B3GALT1: variants seen among roughly 807,000 people sequenced by gnomAD.
B3GALT1 encodes UDP-Gal:betaGlcNAc beta 1,3-galactosyltransferase, polypeptide 1.
Under a neutral mutation model 23.2 loss-of-function variants are expected in B3GALT1, and 10 were observed. The observed-to-expected ratio is 0.43, with a 90% CI of 0.27 to 0.73. B3GALT1 has a LOEUF of 0.73. Ranked by LOEUF, B3GALT1 falls within the 30% of genes least tolerant of loss-of-function variation. The probability of loss-of-function intolerance (pLI) is 0.21; values close to 1 mark genes in which losing one functional copy is unlikely to be tolerated. For synonymous variants in B3GALT1, 156 were observed against 141.5 expected (o/e 1.10, Z -0.73); for missense variants, 299 against 405.4 (o/e 0.74, Z 2.25).
At chr2:167,757,274 C>G (rs1182390827) in intron 3 of B3GALT1, among the ~76,000 whole-genome samples, 1 of 152,146 alleles carries the variant, frequency 6.6e-6, no homozygotes, top group African/African-American at 2.4e-5. Flanking sequence ...CCAGCCCACC[C>G]ATCCAGACAT....
At chr2:167,809,010 T>C (rs778940272) in intron 3 of B3GALT1, among the ~76,000 whole-genome samples, 1 of 152,160 alleles carries the variant, frequency 6.6e-6, no homozygotes. Context: ...TCTAAACTTC[T>C]CTTCTTGCTT....
intron 2 of B3GALT1, among the ~76,000 whole-genome samples, chr2:167,632,295 T>A (rs901018943): frequency 6.6e-6 from 1 of 152,144 alleles, no homozygotes; most frequent in Non-Finnish European, 1.5e-5. Flanking sequence ...TTTATAATCC[T>A]TCAGGTATAT....
At chr2:167,817,268 G>C (rs1433535155) in intron 3 of B3GALT1, among the ~76,000 whole-genome samples, 3 of 152,140 alleles carry the variant, frequency 2.0e-5, no homozygotes, top group Non-Finnish European at 4.4e-5. Context: ...AAAACTAAGA[G>C]GATTGTGGAG....
intron 3 of B3GALT1, among the ~76,000 whole-genome samples, chr2:167,667,445 C>G (rs1194297426): frequency 6.6e-6 from 1 of 151,984 alleles, no homozygotes; most frequent in Non-Finnish European, 1.5e-5. Flanking sequence ...TTGCTCTTCT[C>G]GAGGAGTATC....
chr2:167,579,432 C>T (rs4667537), intron 2 of B3GALT1, among the ~76,000 whole-genome samples: 232 of 108,918 alleles, frequency 2.1e-3, no homozygotes, highest in East Asian at 7.7e-3. Flanking sequence ...TTTTTTTTGT[C>T]TTTTTTTTTT....
chr2:167,790,464 A>G (rs963917883), intron 3 of B3GALT1, among the ~76,000 whole-genome samples: 1 of 152,310 alleles, frequency 6.6e-6, no homozygotes, highest in Middle Eastern at 3.4e-3. Context: ...ACTCTAACAG[A>G]TAACTATTTG....
chr2:167,613,344 G>T (rs1685103479), intron 2 of B3GALT1, among the ~76,000 whole-genome samples: 1 of 151,676 alleles, frequency 6.6e-6, no homozygotes, highest in Non-Finnish European at 1.5e-5. Context: ...TATATTGGAG[G>T]CTAGGACATG....
intron 2 of B3GALT1, among the ~76,000 whole-genome samples, chr2:167,554,518 C>T (rs965348851): frequency 1.3e-5 from 2 of 152,142 alleles, no homozygotes; most frequent in Admixed American, 1.3e-4. Context: ...AGATAATCTG[C>T]CTGTTACCTT....
intron 1 of B3GALT1, among the ~76,000 whole-genome samples, chr2:167,472,673 C>G (rs1559107710): frequency 6.6e-6 from 1 of 152,070 alleles, no homozygotes; most frequent in African/African-American, 2.4e-5. Context: ...TCTGAATGTT[C>G]CGTGCTCTTC....
chr2:167,782,046 G>A (rs182027588), intron 3 of B3GALT1, among the ~76,000 whole-genome samples: 10 of 152,258 alleles, frequency 6.6e-5, no homozygotes, highest in Admixed American at 5.9e-4. Context: ...CCTGCCAGCT[G>A]CCTCTTATTT....
At chr2:167,385,580 CA>C (rs1697915598) in intron 1 of B3GALT1, among the ~76,000 whole-genome samples, 1 of 83,086 alleles carries the variant, frequency 1.2e-5, no homozygotes, top group African/African-American at 2.9e-5. Flanking sequence ...ATGGTAGGAA[CA>C]AAGACTAGCT....
chr2:167,637,765 T>G (rs1393098285), intron 2 of B3GALT1, among the ~76,000 whole-genome samples: 3 of 151,960 alleles, frequency 2.0e-5, no homozygotes, highest in Non-Finnish European at 4.4e-5. Flanking sequence ...TTTGTCTTTT[T>G]GGGCCTGGCT....
intron 1 of B3GALT1, among the ~76,000 whole-genome samples, chr2:167,422,620 A>C (rs866104457): frequency 6.6e-6 from 1 of 152,048 alleles, no homozygotes; most frequent in African/African-American, 2.4e-5. Flanking sequence ...ACTTGAGTCT[A>C]CTGGAGATTG....
At position 167,430,987 on chromosome 2, in the gene B3GALT1, A is replaced by G. The variant is rs542687049; in HGVS notation, c.-510-59190A>G. Among the ~76,000 whole-genome samples the G allele has an allele frequency of 1.8e-4, 28 of 152,334 alleles. No homozygotes were observed. In the South Asian group the frequency reaches 5.2e-3, roughly 28 times the overall value. Reference sequence around the variant, plus strand: ...GCTTATCCTTCAGGCAGTTTCCCATATTATTTCTTATAACTGCAATTTTTA... The same window carrying G: ...GCTTATCCTTCAGGCAGTTTCCCATGTTATTTCTTATAACTGCAATTTTTA... On this transcript the variant is annotated intron_variant, in intron 1 of 4. Transcript: ENST00000392690.
At chr2:167,323,066 AAAAT>A (rs1304505382) in intron 1 of B3GALT1, among the ~76,000 whole-genome samples, 1 of 150,376 alleles carries the variant, frequency 6.6e-6, no homozygotes, top group Non-Finnish European at 1.5e-5. Flanking sequence ...GCCTTTTTAA[AAAAT>A]AAAGGCAAAG....
intron 3 of B3GALT1, among the ~76,000 whole-genome samples, chr2:167,664,638 C>T (rs192463328): frequency 0.011 from 1,713 of 152,110 alleles, 33 homozygotes; most frequent in African/African-American, 0.034. Context: ...TTTATTTCCT[C>T]GAGCAGTGGT....
intron 2 of B3GALT1, among the ~76,000 whole-genome samples, chr2:167,512,901 C>G (rs1700047291): frequency 6.7e-6 from 1 of 148,412 alleles, no homozygotes. Flanking sequence ...GCCTCAGCCT[C>G]CCAAAGTGCT....
Position 167,678,321 on chromosome 2 carries a change from T to C in B3GALT1, c.-352+31355T>C, listed in dbSNP as rs538639234. Among the ~76,000 whole-genome samples the C allele has an allele frequency of 7.9e-5, 12 of 152,144 alleles. No homozygotes were observed. In the South Asian group the frequency reaches 2.5e-3, roughly 32 times the overall value. ...ACAATTCTTCCTCATAATAATCCTATGAGATAAGTACTGATAGTGTCCCCA... is the reference window on the plus strand; with the variant it reads ...ACAATTCTTCCTCATAATAATCCTACGAGATAAGTACTGATAGTGTCCCCA... On this transcript the variant is annotated intron_variant, in intron 3 of 4. Transcript: ENST00000392690.
At chr2:167,689,467 G>T (rs1284908705) in intron 3 of B3GALT1, among the ~76,000 whole-genome samples, 1 of 152,166 alleles carries the variant, frequency 6.6e-6, no homozygotes, top group Non-Finnish European at 1.5e-5. Flanking sequence ...GGAACATCCA[G>T]CAGGAAGAAA....
Sources: gnomAD v4.1 joint callset for allele counts (sites outside exome capture counted in the v4.1 genomes callset) on GRCh38, gnomAD v4.1.1 for gene constraint, MANE v1.5 for transcripts, NCBI Gene and HGNC (gene_info 2026-07-23, HGNC 2026-07-21) for gene names.